ZSCAN2: variants seen among roughly 807,000 people sequenced by gnomAD.
ZSCAN2 encodes zinc finger and SCAN domain-containing protein 2.
A neutral mutation model predicts 47.8 loss-of-function variants in ZSCAN2; 26 were observed. The ratio of observed to expected loss-of-function variants is 0.54; its 90% confidence interval spans 0.40 to 0.75. The LOEUF (loss-of-function observed/expected upper bound fraction) is 0.75, where lower values mean the gene tolerates loss of function less well. ZSCAN2 is among the 30% of genes least tolerant of loss of function. ZSCAN2 has a pLI of 0.00. For synonymous variants in ZSCAN2, 305 were observed against 288.7 expected (o/e 1.06, Z -0.57); for missense variants, 732 against 785.4 (o/e 0.93, Z 0.81).
chr15:84,610,549 C>T (rs977481337), intron 2 of ZSCAN2, among the ~76,000 whole-genome samples: 1 of 142,730 alleles, frequency 7.0e-6, no homozygotes, highest in Non-Finnish European at 1.5e-5. Flanking sequence ...AGTGCAGTGG[C>T]GCCATCTCGG....
chr15:84,617,316 G>A (rs1414821518), intron 2 of ZSCAN2, among the ~76,000 whole-genome samples: 2 of 149,196 alleles, frequency 1.3e-5, no homozygotes, highest in African/African-American at 4.9e-5. Flanking sequence ...TGCGCCTGTA[G>A]TACCAGCTAC....
rs764045092 is a variant in ZSCAN2 at position 84,621,455 on chromosome 15, C to T, written c.1260C>T (p.Cys420=). 6.2e-7 allele frequency: 1 copy of T among 1,613,996 alleles called. No homozygotes were observed. The highest frequency in any genetic ancestry group is 8.5e-7 in the Non-Finnish European group (1 of 1,179,968). ...RTHTGEKPYQ[C]SECGKSFSRS... ...ACACAGGAGAGAAACCCTACCAGTG[C>T]AGCGAGTGTGGGAAAAGCTTCAGCC... Residue 420 remains cysteine (C), a synonymous_variant, in exon 3 of 3, where the codon TGC becomes TGT. Transcript: ENST00000546148. The surrounding 1 kb of genome is among the most constrained non-coding windows in gnomAD (Gnocchi z 5.7).
At chr15:84,616,297 T>A (rs377715652) in intron 2 of ZSCAN2, 1 of 1,279,210 alleles carries the variant, frequency 7.8e-7, no homozygotes, top group East Asian at 2.3e-5. Context: ...TCTTTCCTTC[T>A]CTGCTTTCCA....
chr15:84,606,727 T>G (rs1895393543), intron 2 of ZSCAN2: 4 of 1,421,198 alleles, frequency 2.8e-6, no homozygotes, highest in Admixed American at 6.2e-5. Flanking sequence ...CCCATCCACC[T>G]TGCAGCAGGG....
intron 2 of ZSCAN2, chr15:84,606,407 C>A: frequency 1.3e-6 from 1 of 773,952 alleles, no homozygotes; most frequent in Non-Finnish European, 2.2e-6. Flanking sequence ...AGACCTGTCT[C>A]TTTCTGCATG....
rs1895792425 is a variant in ZSCAN2 at position 84,620,582 on chromosome 15, G to A, written c.407-20G>A. ...ACAGGGAGTTGAGTAGACATTGTAT[G>A]TTTTTCTTCATTGTTTCAGATTTTG... On this transcript the variant is annotated intron_variant, in intron 2 of 2. Transcript: ENST00000546148. 2 of 1,578,488 alleles carry A rather than the reference G, an allele frequency of 1.3e-6. No individual in the cohort carries two copies. Among genetic ancestry groups the A allele is most frequent in the African/African-American group, 1.3e-5 (1 of 74,196 alleles).
At position 84,621,812 on chromosome 15, in the gene ZSCAN2, C is replaced by T; in HGVS notation, c.1617C>T (p.Phe539=). The part of the protein sequence containing the change: ...PYKCLMCGKS[F]SRGSILVMHQ... ...AATGCCTCATGTGCGGCAAGAGCTT[C>T]AGCCGGGGCTCCATTCTGGTCATGC... is the stretch of plus-strand genomic sequence containing the variant. The change falls in exon 3 of 3, where the codon TTC becomes TTT. Residue 539 remains phenylalanine, a synonymous_variant. Transcript: ENST00000546148. The surrounding 1 kb of genome is among the most constrained non-coding windows in gnomAD (Gnocchi z 5.7). 1.9e-6 allele frequency: 3 copies of T among 1,614,260 alleles called. No homozygotes were observed. The highest frequency in any genetic ancestry group is 2.5e-6 in the Non-Finnish European group (3 of 1,180,048).
At chr15:84,616,852 G>A (rs1380444574) in intron 2 of ZSCAN2, among the ~76,000 whole-genome samples, 1 of 152,146 alleles carries the variant, frequency 6.6e-6, no homozygotes, top group Non-Finnish European at 1.5e-5. Flanking sequence ...GCCAGACATG[G>A]CAGCTCACGC....
intron 2 of ZSCAN2, among the ~76,000 whole-genome samples, chr15:84,610,750 G>C (rs1310096520): frequency 1.3e-5 from 2 of 152,010 alleles, no homozygotes; most frequent in Non-Finnish European, 2.9e-5. Flanking sequence ...GCCTCCCAAG[G>C]TGCAGGGATT....
chr15:84,604,033 G>A lies in ZSCAN2; in HGVS notation c.106G>A (p.Glu36Lys), dbSNP rs1895293860. 3.1e-6 allele frequency: 5 copies of A among 1,614,038 alleles called. No homozygotes were observed. Among genetic ancestry groups the A allele is most frequent in the Middle Eastern group, 1.6e-4 (1 of 6,084 alleles). ...QEEEVTTMIL[E>K]DDSWVQEAVL... ...GGAGGAGGTCACCACCATGATCCTG[G>A]AGGATGACTCCTGGGTGCAAGAAGC... is the stretch of plus-strand genomic sequence containing the variant. The change falls in exon 2 of 3, where the codon GAG becomes AAG. Residue 36 changes from glutamate (E) to lysine (K), a missense_variant. Physicochemically the swap from Glu to Lys is moderately conservative, Grantham distance 56. Coordinates refer to ENST00000546148, the MANE Select transcript of ZSCAN2 (RefSeq NM_181877.4).
chr15:84,609,408 G>T (rs1049038563), intron 2 of ZSCAN2, among the ~76,000 whole-genome samples: 1 of 150,286 alleles, frequency 6.7e-6, no homozygotes, highest in Admixed American at 6.6e-5. Flanking sequence ...CTATAACCTC[G>T]AACTCTTGGC....
chr15:84,612,652 G>T (rs1475147936), intron 2 of ZSCAN2, among the ~76,000 whole-genome samples: 1 of 151,996 alleles, frequency 6.6e-6, no homozygotes, highest in Non-Finnish European at 1.5e-5. Flanking sequence ...GGAGAATGGC[G>T]TGAACCCGGT....
Position 84,621,371 on chromosome 15 carries a change from T to C in ZSCAN2, c.1176T>C (p.Cys392=), listed in dbSNP as rs770594690. The change falls in exon 3 of 3, where the codon TGT becomes TGC. Residue 392 remains cysteine, a synonymous_variant. Transcript: ENST00000546148. The surrounding 1 kb of genome is among the most constrained non-coding windows in gnomAD (Gnocchi z 5.7). ...ACACAGGAGAGAAACCCTACAAATG[T>C]ACCGACTGTGGGCAGAGGTTCAGCC... is the stretch of plus-strand genomic sequence containing the variant. ...RIHTGEKPYK[C]TDCGQRFSQS... The C allele has an allele frequency of 2.3e-5, 37 of 1,612,610 alleles. 1 individual carries two copies. In the Admixed American group the frequency reaches 6.0e-4, roughly 26 times the overall value.
chr15:84,612,500 C>T (rs1372402887), intron 2 of ZSCAN2, among the ~76,000 whole-genome samples: 3 of 152,050 alleles, frequency 2.0e-5, no homozygotes, highest in South Asian at 2.1e-4. Context: ...TTTGGGAGGC[C>T]GAGGCAGGTG....
intron 1 of ZSCAN2, among the ~76,000 whole-genome samples, chr15:84,603,583 C>T (rs985432085): frequency 6.6e-6 from 1 of 152,008 alleles, no homozygotes; most frequent in Admixed American, 6.6e-5. Flanking sequence ...CTCAGGTGAT[C>T]CGCCCACCTC....
chr15:84,607,873 C>T (rs1895429141), intron 2 of ZSCAN2, among the ~76,000 whole-genome samples: 1 of 152,118 alleles, frequency 6.6e-6, no homozygotes, highest in Non-Finnish European at 1.5e-5. Flanking sequence ...CCCAGTTGTT[C>T]TTTGAGTGCC....
At chr15:84,608,861 T>C (rs1012876372) in intron 2 of ZSCAN2, among the ~76,000 whole-genome samples, 1 of 152,210 alleles carries the variant, frequency 6.6e-6, no homozygotes, top group Admixed American at 6.5e-5. Flanking sequence ...CCTGGGAGTT[T>C]GTTAGACTAG....
In ZSCAN2 at chr15:84,604,738, CT is replaced by C. The variant is rs11459006; in HGVS notation, c.406+422del. Among the ~76,000 whole-genome samples, 170 of 128,976 alleles carry C rather than the reference CT, an allele frequency of 1.3e-3. 1 individual carries two copies. The highest frequency in any genetic ancestry group is 3.3e-3 in the East Asian group (15 of 4,598). The allele number at this position is 128,976 out of a possible 152,430, so 84.6% of individuals were successfully genotyped here. On this transcript the variant is annotated intron_variant, in intron 2 of 2. Transcript: ENST00000546148. ...TCAACATGACTTTTTTTTCTTTTTT[CT>C]TTTTTTTTTTTTTTTTGAAACGGAG... is the stretch of plus-strand genomic sequence containing the variant.
chr15:84,604,173 G>A lies in ZSCAN2; in HGVS notation c.246G>A (p.Glu82=), dbSNP rs367952499. The change falls in exon 2 of 3, where the codon GAG becomes GAA. Residue 82 remains glutamate, a synonymous_variant. Transcript: ENST00000546148. Reference sequence around the variant, plus strand: ...AGGGTGCACTCGGCCGCCTCCGAGAGCTCTGCCGGCGCTGGCTGAGACCAG... The same window carrying A: ...AGGGTGCACTCGGCCGCCTCCGAGAACTCTGCCGGCGCTGGCTGAGACCAG... ...GPQGALGRLR[E]LCRRWLRPEV... 2 of 1,613,558 alleles carry A rather than the reference G, an allele frequency of 1.2e-6. No homozygotes were observed. Among genetic ancestry groups the A allele is most frequent in the African/African-American group, 1.3e-5 (1 of 74,922 alleles).
Sources: allele counts gnomAD v4.1 joint callset (sites outside exome capture counted in the v4.1 genomes callset), GRCh38; gene constraint gnomAD v4.1.1; non-coding constraint Gnocchi (gnomAD v3.1); transcripts MANE v1.5; gene names NCBI Gene and HGNC (gene_info 2026-07-23, HGNC 2026-07-21).